The following FBXL7 variants were observed in gnomAD, a reference collection of about 807,000 sequenced individuals.
FBXL7 encodes F-box/LRR-repeat protein 7.
Under a neutral mutation model 38.3 loss-of-function variants are expected in FBXL7, and 12 were observed. That is an observed-to-expected ratio of 0.31 (90% CI 0.20 to 0.51). FBXL7 has a LOEUF of 0.51. Ranked by LOEUF, FBXL7 falls within the 20% of genes least tolerant of loss-of-function variation. The probability of loss-of-function intolerance (pLI) is 0.98; values close to 1 mark genes in which losing one functional copy is unlikely to be tolerated. For synonymous variants in FBXL7, 297 were observed against 300.9 expected (o/e 0.99, Z 0.13); for missense variants, 567 against 676.4 (o/e 0.84, Z 1.79).
intron 3 of FBXL7, among the ~76,000 whole-genome samples, chr5:15,929,233 C>T (rs1432491163): frequency 3.3e-5 from 5 of 152,228 alleles, no homozygotes; most frequent in Non-Finnish European, 7.3e-5. Context: ...ACTCTTCTTA[C>T]ATCTGGGTTA....
At chr5:15,761,940 T>G (rs765071601) in intron 2 of FBXL7, among the ~76,000 whole-genome samples, 1 of 152,202 alleles carries the variant, frequency 6.6e-6, no homozygotes, top group Non-Finnish European at 1.5e-5. Context: ...CTATATCAAG[T>G]TATCAATTGC....
chr5:15,857,453 G>A (rs967745414), intron 2 of FBXL7, among the ~76,000 whole-genome samples: 11 of 152,146 alleles, frequency 7.2e-5, no homozygotes, highest in African/African-American at 2.7e-4. Flanking sequence ...GAGAGGCTGA[G>A]CCACCATTAG....
intron 2 of FBXL7, among the ~76,000 whole-genome samples, chr5:15,657,495 G>A (rs941257483): frequency 6.6e-6 from 1 of 152,162 alleles, no homozygotes; most frequent in Non-Finnish European, 1.5e-5. Context: ...TCATTATTCA[G>A]TTAATGAAAT....
intron 2 of FBXL7, among the ~76,000 whole-genome samples, chr5:15,714,497 T>G (rs1290022020): frequency 1.3e-5 from 2 of 150,170 alleles, no homozygotes; most frequent in Non-Finnish European, 2.9e-5. Flanking sequence ...TAATGTGGAG[T>G]GTACAATGTG....
At chr5:15,634,513 G>GT (rs911668552) in intron 2 of FBXL7, among the ~76,000 whole-genome samples, 2 of 149,466 alleles carry the variant, frequency 1.3e-5, no homozygotes, top group African/African-American at 5.0e-5. Flanking sequence ...GTTGGGGGGG[G>GT]GGTTTACCCT....
intron 2 of FBXL7, among the ~76,000 whole-genome samples, chr5:15,864,020 G>T (rs1739597087): frequency 6.6e-6 from 1 of 152,020 alleles, no homozygotes; most frequent in South Asian, 2.1e-4. Flanking sequence ...GCTAAGAATG[G>T]ATGAAAATAA....
In FBXL7 at chr5:15,597,118, T is replaced by C. The variant is rs545556534; in HGVS notation, c.38-18865T>C. Among the ~76,000 whole-genome samples the C allele has an allele frequency of 2.6e-5, 4 of 152,264 alleles. No individual in the cohort carries two copies. In the East Asian group the frequency reaches 7.7e-4, roughly 29 times the overall value. The stretch of plus-strand genomic sequence containing the variant: ...GACTGAGCCCTTAACCTGTGAAATC[T>C]GACACTATCTTTAGGTAGATAGCAT... On this transcript the variant is annotated intron_variant, in intron 1 of 3. Coordinates refer to ENST00000504595, the MANE Select transcript of FBXL7 (RefSeq NM_012304.5).
chr5:15,742,893 G>C (rs779275580), intron 2 of FBXL7, among the ~76,000 whole-genome samples: 2 of 152,054 alleles, frequency 1.3e-5, no homozygotes, highest in African/African-American at 4.8e-5. Context: ...TTCACATGGC[G>C]GCAGCAAGGA....
At chr5:15,571,092 TAA>T (rs397996852) in intron 1 of FBXL7, among the ~76,000 whole-genome samples, 39 of 129,214 alleles carry the variant, frequency 3.0e-4, no homozygotes, top group Admixed American at 4.0e-4. Context: ...ATTCTGTCTT[TAA>T]AAAAAAAAAA....
At chr5:15,700,609 A>G (rs1743493118) in intron 2 of FBXL7, among the ~76,000 whole-genome samples, 1 of 152,240 alleles carries the variant, frequency 6.6e-6, no homozygotes, top group South Asian at 2.1e-4. Context: ...AGTCATGCCA[A>G]TCTAAGTATT....
At chr5:15,805,319 C>T (rs770303618) in intron 2 of FBXL7, among the ~76,000 whole-genome samples, 2 of 152,142 alleles carry the variant, frequency 1.3e-5, no homozygotes, top group Admixed American at 6.6e-5. Context: ...CACAATATGA[C>T]TTGCTCTCTG....
rs547841886 is a variant in FBXL7 at position 15,624,655 on chromosome 5, CTGT to C, written c.127+8589_127+8591del. 1.5e-3 allele frequency among the ~76,000 whole-genome samples: 224 copies of C among 152,302 alleles called. 2 individuals are homozygous for C. The highest frequency in any genetic ancestry group is 2.3e-3 in the Admixed American group (35 of 15,292). On this transcript the variant is annotated intron_variant, in intron 2 of 3. Coordinates refer to ENST00000504595, the MANE Select transcript of FBXL7 (RefSeq NM_012304.5). ...ACTTGAAGTTAACATCATTTTCGAG[CTGT>C]TGTTGGCCAAAGATTCATCTGATGA...
At chr5:15,861,405 T>C (rs1316652296) in intron 2 of FBXL7, among the ~76,000 whole-genome samples, 2 of 152,190 alleles carry the variant, frequency 1.3e-5, no homozygotes, top group Non-Finnish European at 2.9e-5. Context: ...CAGCCACCTA[T>C]GTGGTTGAAG....
At chr5:15,865,338 A>C (rs535382073) in intron 2 of FBXL7, among the ~76,000 whole-genome samples, 1 of 152,336 alleles carries the variant, frequency 6.6e-6, no homozygotes, top group East Asian at 1.9e-4. Flanking sequence ...GAGACTGATT[A>C]GATCCTGGTC....
intron 2 of FBXL7, among the ~76,000 whole-genome samples, chr5:15,869,432 G>A (rs1739857821): frequency 6.6e-6 from 1 of 152,108 alleles, no homozygotes; most frequent in South Asian, 2.1e-4. Context: ...GACACATGTG[G>A]CCCTGGTGTA....
chr5:15,674,524 G>A (rs577928831), intron 2 of FBXL7, among the ~76,000 whole-genome samples: 3 of 152,074 alleles, frequency 2.0e-5, no homozygotes, highest in African/African-American at 4.8e-5. Context: ...ATGCAAACTC[G>A]CGTTATGAAT....
chr5:15,576,285 T>C (rs1200991176), intron 1 of FBXL7, among the ~76,000 whole-genome samples: 1 of 151,830 alleles, frequency 6.6e-6, no homozygotes, highest in Non-Finnish European at 1.5e-5. Flanking sequence ...GGTTTCTCCA[T>C]GTTGGTCTGG....
intron 2 of FBXL7, among the ~76,000 whole-genome samples, chr5:15,824,752 TG>T (rs1238822992): frequency 6.6e-6 from 1 of 152,202 alleles, no homozygotes; most frequent in East Asian, 1.9e-4. Context: ...AAACACTGGA[TG>T]TTTTTTACAC....
At chr5:15,769,425 C>G (rs548601899) in intron 2 of FBXL7, among the ~76,000 whole-genome samples, 36 of 152,284 alleles carry the variant, frequency 2.4e-4, no homozygotes, top group African/African-American at 8.4e-4. Context: ...CTTCACTAAT[C>G]CATGCGCTAC....
Sources: allele counts gnomAD v4.1 joint callset (sites outside exome capture counted in the v4.1 genomes callset), GRCh38; gene constraint gnomAD v4.1.1; transcripts MANE v1.5; gene names NCBI Gene and HGNC (gene_info 2026-07-23, HGNC 2026-07-21).